ISG20L2: variants seen among roughly 807,000 people sequenced by gnomAD.
ISG20L2 encodes interferon stimulated exonuclease gene 20 like 2.
A neutral mutation model predicts 27.8 loss-of-function variants in ISG20L2; 14 were observed. The observed-to-expected ratio is 0.50, with a 90% CI of 0.33 to 0.79. ISG20L2 has a LOEUF of 0.79. Ranked by LOEUF, ISG20L2 falls within the 30% of genes least tolerant of loss-of-function variation. ISG20L2 has a pLI of 0.02. For synonymous variants in ISG20L2, 157 were observed against 165.7 expected (o/e 0.95, Z 0.40); for missense variants, 393 against 435.1 (o/e 0.90, Z 0.86).
At chr1:156,723,604 T>TG (rs1648628408) in intron 3 of ISG20L2, 142 bp from the exon 4 acceptor site, 13 of 1,466,410 alleles carry the variant, frequency 8.9e-6, no homozygotes, top group African/African-American at 2.8e-5. Flanking sequence ...AGAATTCTGG[T>TG]GGGGTCCTAC....
chr1:156,726,033 C>T, intron 2 of ISG20L2: 1 of 985,418 alleles, frequency 1.0e-6, no homozygotes, highest in Non-Finnish European at 1.2e-6. Context: ...TCACCCCTCC[C>T]AGCTCACTCT....
At position 156,728,612 on chromosome 1, in the gene ISG20L2, A is replaced by AGGGGGCGGCGTGGGTGGGGGC; in HGVS notation, c.-336_-316dup. The stretch of plus-strand genomic sequence containing the variant: ...TGAGGAGCGGCAGTGGCGGCGGAGG[A>AGGGGGCGGCGTGGGTGGGGGC]GGGGGCGGCGTGGGTGGGGGCGGGG... On this transcript the variant is annotated 5_prime_UTR_variant, in exon 1 of 4. Transcript: ENST00000368219. The AGGGGGCGGCGTGGGTGGGGGC allele has an allele frequency of 2.6e-6, 1 of 378,258 alleles. No homozygotes were observed. The highest frequency in any genetic ancestry group is 3.3e-5 in the African/African-American group (1 of 30,458). 23.4% of individuals were successfully genotyped at this position (378,258 alleles called of 1,614,324 possible).
intron 3 of ISG20L2, 145 bp downstream of exon 3, chr1:156,724,003 T>C (rs1368047004): frequency 9.0e-7 from 1 of 1,114,954 alleles, no homozygotes; most frequent in African/African-American, 1.6e-5. Context: ...CAGGAATTAT[T>C]ATCCTGTGTA....
In ISG20L2 at chr1:156,726,960, A is replaced by G. The variant is rs1292514994; in HGVS notation, c.693T>C (p.Gly231=). The G allele has an allele frequency of 6.2e-7, 1 of 1,614,090 alleles. No homozygotes were observed. Among genetic ancestry groups the G allele is most frequent in the African/African-American group, 1.3e-5 (1 of 74,934 alleles). The change falls in exon 2 of 4, where the codon GGT becomes GGC. Residue 231 remains glycine (G), a synonymous_variant. Coordinates refer to ENST00000368219, the MANE Select transcript of ISG20L2 (RefSeq NM_001370150.2). ...HIVDYRTRWS[G]IRKQHMVNAT... ...CATTCACCATGTGCTGCTTCCGGAT[A>G]CCACTCCACCTGGTTCGGTAGTCCA...
rs58891771 is a variant in ISG20L2, at chr1:156,724,398, C to T, written c.748-50G>A. On this transcript the variant is annotated intron_variant, in intron 2 of 3. Transcript: ENST00000368219. ...GGTGAGAAGGAAGACTGAAGTGGAA[C>T]CCCTGCATTCTGAAAGCCCAACATG... The T allele has an allele frequency of 1.9e-4, 285 of 1,512,342 alleles. 1 individual carries two copies. The East Asian group carries it at 5.8e-3, about 31-fold the overall frequency. 93.7% of individuals were successfully genotyped at this position (1,512,342 alleles called of 1,614,324 possible).
At chr1:156,723,855 G>A (rs1648639309) in intron 3 of ISG20L2, 14 of 1,256,872 alleles carry the variant, frequency 1.1e-5, no homozygotes, top group South Asian at 8.2e-5. Flanking sequence ...TGTAAAATAC[G>A]AGCGGTCCTT....
chr1:156,726,805 A>G (rs1435536157), intron 2 of ISG20L2, 101 bp downstream of exon 2: 2 of 1,506,298 alleles, frequency 1.3e-6, no homozygotes, highest in Non-Finnish European at 1.8e-6. Flanking sequence ...CCCTCCCTCC[A>G]CAAACGTTGG....
chr1:156,723,419 G>A lies in ISG20L2; in HGVS notation c.992C>T (p.Thr331Ile), dbSNP rs1341315417. 6.2e-7 allele frequency: 1 copy of A among 1,614,092 alleles called. No individual in the cohort carries two copies. The highest frequency in any genetic ancestry group is 1.7e-5 in the Admixed American group (1 of 60,002). ...TTCAACCAACTTATATAGCTCCATG[G>A]TGGCCTGGGCATCTTCCACAGAGGA... ...GHSSVEDAQA[T>I]MELYKLVEVE... Residue 331 changes from threonine (T) to isoleucine (I), a missense_variant, in exon 4 of 4, where the codon ACC (threonine) becomes ATC (isoleucine). Coordinates refer to ENST00000368219, the MANE Select transcript of ISG20L2 (RefSeq NM_001370150.2).
chr1:156,724,319 C>T lies in ISG20L2; in HGVS notation c.777G>A (p.Val259=). The part of the protein sequence containing the change: ...QILKILTGKI[V]VGHAIHNDFK... ...AGTCGTTGTGGATGGCATGCCCCAC[C>T]ACTATCTTCCCTGTGAGTATCTTCA... The change falls in exon 3 of 4, where the codon GTG becomes GTA. Residue 259 remains valine (V), a synonymous_variant. Transcript: ENST00000368219. 4 of 1,612,504 alleles carry T rather than the reference C, an allele frequency of 2.5e-6. No homozygotes were observed. The highest frequency in any genetic ancestry group is 3.4e-6 in the Non-Finnish European group (4 of 1,178,726).
chr1:156,728,519 C>G lies in ISG20L2; in HGVS notation c.-222G>C, dbSNP rs1014450471. 5 of 985,464 alleles carry G rather than the reference C, an allele frequency of 5.1e-6. No individual in the cohort carries two copies. In the South Asian group the frequency reaches 1.9e-4, roughly 37 times the overall value. 61.0% of individuals were successfully genotyped at this position (985,464 alleles called of 1,614,324 possible). On this transcript the variant is annotated 5_prime_UTR_variant, in exon 1 of 4. Coordinates refer to ENST00000368219, the MANE Select transcript of ISG20L2 (RefSeq NM_001370150.2). ...GGCAGGCGCGCGGGTTAGAACGCGC[C>G]AGAGGTCGGCGCGCGCACACCCGCA...
intron 3 of ISG20L2, chr1:156,723,713 T>C (rs1025715239): frequency 1.0e-6 from 1 of 985,432 alleles, no homozygotes; most frequent in Non-Finnish European, 1.2e-6. Context: ...TTAGGTTCTG[T>C]AGAGATAGAA....
At chr1:156,726,082 G>A (rs1429474617) in intron 2 of ISG20L2, 1 of 985,282 alleles carries the variant, frequency 1.0e-6, no homozygotes, top group Admixed American at 6.1e-5. Flanking sequence ...GCCAGCACAG[G>A]GCTAGGAGTG....
chr1:156,724,869 T>C (rs754206686), intron 2 of ISG20L2: 5 of 181,240 alleles, frequency 2.8e-5, no homozygotes, highest in Non-Finnish European at 4.2e-5. Flanking sequence ...AAGAATCACA[T>C]ATAAACTAAA....
At chr1:156,725,160 C>G (rs1648696066) in intron 2 of ISG20L2, 1 of 152,226 alleles carries the variant, frequency 6.6e-6, no homozygotes, top group Non-Finnish European at 1.5e-5. Context: ...CCATATGGGC[C>G]AGGCTGGTCT....
At position 156,728,401 on chromosome 1, in the gene ISG20L2, G is replaced by T; in HGVS notation, c.-118+14C>A. 4 of 985,570 alleles carry T rather than the reference G, an allele frequency of 4.1e-6. No homozygotes were observed. Among genetic ancestry groups the T allele is most frequent in the Non-Finnish European group, 4.8e-6 (4 of 829,952 alleles). 61.1% of individuals were successfully genotyped at this position (985,570 alleles called of 1,614,324 possible). A position where few individuals can be genotyped will look rare whatever the true frequency, so the allele number is the denominator to read the frequency against. ...CCCGCGGTACAGATCGATCTCTCACGCTCACAAACCTACCTCCCAGACGGG... is the reference window on the plus strand; with the variant it reads ...CCCGCGGTACAGATCGATCTCTCACTCTCACAAACCTACCTCCCAGACGGG... On this transcript the variant is annotated intron_variant, in intron 1 of 3. Transcript: ENST00000368219.
At chr1:156,726,668 G>A (rs1648775873) in intron 2 of ISG20L2, 3 of 984,156 alleles carry the variant, frequency 3.0e-6, no homozygotes, top group Non-Finnish European at 3.6e-6. Flanking sequence ...ATAGGCAAGT[G>A]CCACTGCGCC....
intron 2 of ISG20L2, chr1:156,725,744 T>C (rs1371714768): frequency 4.8e-6 from 2 of 414,008 alleles, no homozygotes; most frequent in East Asian, 3.2e-4. Flanking sequence ...GCAGATTTGC[T>C]GTCTCAGACC....
Position 156,722,982 on chromosome 1 carries a change from T to TA in ISG20L2, c.*366_*367insT. Reference sequence around the variant, plus strand: ...ACCAAAAGGCATAAAAGGAGACATATGTCCACCCAAGTGATAAGGCAGTTT... The same window carrying TA: ...ACCAAAAGGCATAAAAGGAGACATATAGTCCACCCAAGTGATAAGGCAGTTT... On this transcript the variant is annotated 3_prime_UTR_variant, in exon 4 of 4. Coordinates refer to ENST00000368219, the MANE Select transcript of ISG20L2 (RefSeq NM_001370150.2). The TA allele has an allele frequency of 4.8e-6, 1 of 207,894 alleles. No homozygotes were observed. Among genetic ancestry groups the TA allele is most frequent in the Non-Finnish European group, 9.9e-6 (1 of 101,232 alleles). 12.9% of individuals were successfully genotyped at this position (207,894 alleles called of 1,614,324 possible).
Position 156,728,652 on chromosome 1 carries a change from C to G in ISG20L2, c.-355G>C. ...TGGGGGCGGGGGCGGGATGCGCTCC[C>G]CGGCCCCTCTAGCCCCGTGGTGGTA... is the stretch of plus-strand genomic sequence containing the variant. On this transcript the variant is annotated 5_prime_UTR_variant, in exon 1 of 4. Coordinates refer to ENST00000368219, the MANE Select transcript of ISG20L2 (RefSeq NM_001370150.2). 1 of 986,028 alleles carries G rather than the reference C, an allele frequency of 1.0e-6. No homozygotes were observed. Among genetic ancestry groups the G allele is most frequent in the South Asian group, 4.6e-5 (1 of 21,570 alleles). The allele number at this position is 986,028 out of a possible 1,614,324, so 61.1% of individuals were successfully genotyped here. A position where few individuals can be genotyped will look rare whatever the true frequency, so the allele number is the denominator to read the frequency against.
Sources: allele counts gnomAD v4.1 joint callset, GRCh38; gene constraint gnomAD v4.1.1; transcripts MANE v1.5; gene names NCBI Gene and HGNC (gene_info 2026-07-23, HGNC 2026-07-21).